The following DPP6 variants were observed in gnomAD, a reference collection of about 807,000 sequenced individuals.
The protein encoded by DPP6 is dipeptidyl peptidase like 6, also known as A-type potassium channel modulatory protein DPP6.
Under a neutral mutation model 122.6 loss-of-function variants are expected in DPP6, and 69 were observed. The ratio of observed to expected loss-of-function variants is 0.56; its 90% CI spans 0.46 to 0.69. The LOEUF (loss-of-function observed/expected upper bound fraction) is 0.69. Ranked by LOEUF, DPP6 falls within the 30% of genes least tolerant of loss-of-function variation. The pLI, the probability that DPP6 is intolerant of heterozygous loss-of-function variation, is 0.00. For missense variants in DPP6, 928 were observed against 1,116.9 expected (o/e 0.83, Z 2.41); for synonymous variants, 418 against 433.1 (o/e 0.97, Z 0.43).
At chr7:154,645,933 C>A (rs887925152) in intron 6 of DPP6, among the ~76,000 whole-genome samples, 1 of 141,542 alleles carries the variant, frequency 7.1e-6, no homozygotes, top group Non-Finnish European at 1.5e-5. Flanking sequence ...GAGGCTGAGG[C>A]AGGAGAATGG....
At chr7:154,764,158 T>G (rs1210820155) in intron 8 of DPP6, among the ~76,000 whole-genome samples, 2 of 152,174 alleles carry the variant, frequency 1.3e-5, no homozygotes, top group African/African-American at 4.8e-5. Flanking sequence ...TTTCCCGGGC[T>G]TGGGTCCTTT....
In DPP6 at chr7:154,652,525, C is replaced by T. The variant is rs575196526; in HGVS notation, c.680+14652C>T. Reference sequence around the variant, plus strand: ...CTCTCTGGGAGAAGGGAGCGTTTATCAGGGACCACAGTGACAGAGCCCACA... The same window carrying T: ...CTCTCTGGGAGAAGGGAGCGTTTATTAGGGACCACAGTGACAGAGCCCACA... On this transcript the variant is annotated intron_variant, in intron 6 of 25. Transcript: ENST00000377770. 2.6e-5 allele frequency among the ~76,000 whole-genome samples: 4 copies of T among 151,890 alleles called. No individual in the cohort carries two copies. In the South Asian group the frequency reaches 8.3e-4, roughly 32 times the overall value.
chr7:154,728,997 A>T (rs1842206596), intron 8 of DPP6, among the ~76,000 whole-genome samples: 1 of 152,212 alleles, frequency 6.6e-6, no homozygotes, highest in African/African-American at 2.4e-5. Context: ...GGACACAGAC[A>T]TTCAGTTCAT....
At chr7:154,454,907 G>A (rs1820694370) in intron 2 of DPP6, among the ~76,000 whole-genome samples, 1 of 152,172 alleles carries the variant, frequency 6.6e-6, no homozygotes, top group Non-Finnish European at 1.5e-5. Context: ...AGGTGTTAAA[G>A]TTTGTCAGCC....
Position 154,566,844 on chromosome 7 carries a change from A to G in DPP6, c.555A>G (p.Glu185=). The G allele has an allele frequency of 6.4e-7, 1 of 1,566,290 alleles. No individual in the cohort carries two copies. The highest frequency in any genetic ancestry group is 1.8e-5 in the Admixed American group (1 of 56,562). ...TCTTTGTCTATTTTTTCTTTTAGGA[A>G]TCATTAAGAGCCATCAGATATGAAA... The part of the protein sequence containing the change: ...STVLIEGKKI[E]SLRAIRYEIS... Residue 185 remains glutamate, a splice_region_variant and synonymous_variant, in exon 5 of 26, where the codon GAA becomes GAG. Coordinates refer to ENST00000377770, the MANE Select transcript of DPP6 (RefSeq NM_130797.4).
intron 7 of DPP6, among the ~76,000 whole-genome samples, chr7:154,702,063 A>G (rs1012816189): frequency 1.3e-5 from 2 of 152,200 alleles, no homozygotes; most frequent in African/African-American, 4.8e-5. Context: ...GAACTTTTTC[A>G]TTACCATTAT....
At chr7:154,776,733 A>G (rs1194386939) in intron 10 of DPP6, among the ~76,000 whole-genome samples, 4 of 152,202 alleles carry the variant, frequency 2.6e-5, no homozygotes, top group Admixed American at 2.6e-4. Context: ...CCTTTCTAAG[A>G]ACCAAAACTT....
intron 1 of DPP6, among the ~76,000 whole-genome samples, chr7:154,040,525 A>G (rs1369580733): frequency 6.8e-6 from 1 of 148,070 alleles, no homozygotes; most frequent in Non-Finnish European, 1.5e-5. Flanking sequence ...TGCCTTATAT[A>G]AACAAGGCTG....
intron 1 of DPP6, among the ~76,000 whole-genome samples, chr7:154,226,360 T>G (rs926005530): frequency 6.6e-6 from 1 of 152,224 alleles, no homozygotes; most frequent in African/African-American, 2.4e-5. Context: ...TAGTTTCAGA[T>G]GTAAACAGCA....
chr7:154,369,526 G>A (rs145120746), intron 1 of DPP6, among the ~76,000 whole-genome samples: 3 of 152,034 alleles, frequency 2.0e-5, no homozygotes, highest in Admixed American at 6.6e-5. Flanking sequence ...CCACCACCAC[G>A]CCCGGCTAAT....
intron 1 of DPP6, among the ~76,000 whole-genome samples, chr7:153,916,210 T>C (rs1800307063): frequency 6.6e-6 from 1 of 151,982 alleles, no homozygotes; most frequent in Non-Finnish European, 1.5e-5. Flanking sequence ...CCTGACCTCT[T>C]GATCCTCCCA....
At chr7:153,969,616 A>G (rs1345033733) in intron 1 of DPP6, among the ~76,000 whole-genome samples, 1 of 148,266 alleles carries the variant, frequency 6.7e-6, no homozygotes, top group Non-Finnish European at 1.5e-5. Context: ...CCTTCATTGC[A>G]CAGTAAGTTC....
Position 154,720,301 on chromosome 7 carries a change from T to A in DPP6, c.763-7466T>A, listed in dbSNP as rs564307865. ...CCAGGGCAGGGCAGCATGGAGGAAG[T>A]GGAGACAGTGGCCTTGCCTGTCCTG... On this transcript the variant is annotated intron_variant, in intron 7 of 25. Transcript: ENST00000377770. 4.5e-4 allele frequency among the ~76,000 whole-genome samples: 69 copies of A among 152,206 alleles called. 1 individual carries two copies. Among genetic ancestry groups the A allele is most frequent in the Admixed American group, 2.9e-3 (44 of 15,298 alleles).
intron 2 of DPP6, among the ~76,000 whole-genome samples, chr7:154,458,256 T>C (rs1193364168): frequency 6.6e-6 from 1 of 152,130 alleles, no homozygotes; most frequent in African/African-American, 2.4e-5. Flanking sequence ...GCTATTCTCA[T>C]GATAGTGAAT....
chr7:154,328,550 G>T (rs528576488), intron 1 of DPP6, among the ~76,000 whole-genome samples: 1 of 152,286 alleles, frequency 6.6e-6, no homozygotes, highest in South Asian at 2.1e-4. Flanking sequence ...GGCTTGCCTG[G>T]TGTTGTCTAA....
intron 1 of DPP6, among the ~76,000 whole-genome samples, chr7:154,055,264 T>C (rs1800723935): frequency 7.3e-6 from 1 of 137,574 alleles, no homozygotes; most frequent in African/African-American, 2.7e-5. Flanking sequence ...TTAAATTGTA[T>C]AATTAAACTC....
chr7:154,183,568 T>C (rs1407465353), intron 1 of DPP6, among the ~76,000 whole-genome samples: 3 of 152,160 alleles, frequency 2.0e-5, no homozygotes, highest in African/African-American at 7.2e-5. Flanking sequence ...GCCTCAGCAT[T>C]CACTAGGGCG....
Position 154,406,849 on chromosome 7 carries a change from A to G in DPP6, c.244-39365A>G, listed in dbSNP as rs141598369. Among the ~76,000 whole-genome samples the G allele has an allele frequency of 3.3e-3, 507 of 152,314 alleles. 11 individuals are homozygous for G. The highest frequency in any genetic ancestry group is 0.025 in the Admixed American group (386 of 15,302). On this transcript the variant is annotated intron_variant, in intron 1 of 25. Transcript: ENST00000377770. Reference sequence around the variant, plus strand: ...CAGGATGAATGCCAAGATAGAGTATATAGAACACCTGATATGGTGTTCTTT... The same window carrying G: ...CAGGATGAATGCCAAGATAGAGTATGTAGAACACCTGATATGGTGTTCTTT...
intron 1 of DPP6, among the ~76,000 whole-genome samples, chr7:154,015,719 C>T (rs923195235): frequency 5.3e-5 from 8 of 152,122 alleles, no homozygotes; most frequent in Non-Finnish European, 1.2e-4. Context: ...CCATGCAGTA[C>T]ACCCACCTCC....
Sources: allele counts gnomAD v4.1 joint callset (sites outside exome capture counted in the v4.1 genomes callset), GRCh38; gene constraint gnomAD v4.1.1; transcripts MANE v1.5; gene names NCBI Gene and HGNC (gene_info 2026-07-23, HGNC 2026-07-21).